MAST2: variants seen among roughly 807,000 people sequenced by gnomAD.
MAST2 encodes the protein microtubule-associated serine/threonine-protein kinase 2.
A neutral mutation model predicts 147.4 loss-of-function variants in MAST2; 70 were observed. The ratio of observed to expected loss-of-function variants is 0.47; its 90% confidence interval spans 0.39 to 0.58. The LOEUF (loss-of-function observed/expected upper bound fraction) is 0.58. Ranked by LOEUF, MAST2 falls within the 20% of genes least tolerant of loss-of-function variation. The probability of loss-of-function intolerance (pLI) is 0.00; values close to 1 mark genes in which losing one functional copy is unlikely to be tolerated. For missense variants in MAST2, 2,080 were observed against 2,302.3 expected (o/e 0.90, Z 1.98); for synonymous variants, 869 against 896.8 (o/e 0.97, Z 0.55).
chr1:45,864,855 CAA>C (rs1557845107), intron 3 of MAST2, among the ~76,000 whole-genome samples: 1 of 152,118 alleles, frequency 6.6e-6, no homozygotes, highest in Non-Finnish European at 1.5e-5. Context: ...AAAATGAAAA[CAA>C]ATATGAAGTC....
intron 4 of MAST2, among the ~76,000 whole-genome samples, chr1:45,943,879 G>A (rs1657673414): frequency 6.6e-6 from 1 of 152,182 alleles, no homozygotes; most frequent in Non-Finnish European, 1.5e-5. Flanking sequence ...CTGATCACAA[G>A]CCTTTGTAAT....
rs145129758 is a variant in MAST2 at position 45,845,800 on chromosome 1, G to A, written c.468+16219G>A. ...TTTTTTGAGACGGAGTGTCTCTGTC[G>A]CCCAGGCTGGAGTGCAGCGGTGCGA... On this transcript the variant is annotated intron_variant, in intron 3 of 28. Transcript: ENST00000361297. 2.9e-3 allele frequency among the ~76,000 whole-genome samples: 445 copies of A among 152,140 alleles called. 3 individuals carry two copies. Among genetic ancestry groups the A allele is most frequent in the East Asian group, 0.02 (105 of 5,174 alleles).
intron 4 of MAST2, among the ~76,000 whole-genome samples, chr1:45,946,046 C>G (rs1254452402): frequency 6.6e-6 from 1 of 152,210 alleles, no homozygotes; most frequent in Non-Finnish European, 1.5e-5. Flanking sequence ...ACCATTATCT[C>G]CCTTTCCTTA....
At chr1:46,008,423 A>AGG in intron 9 of MAST2, 52 bp downstream of exon 9, 3 of 1,204,078 alleles carry the variant, frequency 2.5e-6, no homozygotes, top group Non-Finnish European at 3.7e-6. Context: ...GTGGCTGCCT[A>AGG]CAGCCAGCCC....
At chr1:45,869,867 C>T (rs1191370584) in intron 3 of MAST2, among the ~76,000 whole-genome samples, 1 of 152,062 alleles carries the variant, frequency 6.6e-6, no homozygotes, top group Admixed American at 6.6e-5. Flanking sequence ...AGCTCTCTCC[C>T]TTTCCTTTTT....
At chr1:45,972,333 G>C (rs1643945955) in intron 5 of MAST2, among the ~76,000 whole-genome samples, 1 of 152,232 alleles carries the variant, frequency 6.6e-6, no homozygotes, top group Non-Finnish European at 1.5e-5. Context: ...CTGGCCGTGT[G>C]CCACATGCCA....
At position 46,031,300 on chromosome 1, in the gene MAST2, A is replaced by G. The variant is rs773573116; in HGVS notation, c.2992+10A>G. ...AGTGGTTCCAGTCCAGGTATGGCCCAGTGGGCGGCCAAACGACCTAAGCTG... is the reference window on the plus strand; with the variant it reads ...AGTGGTTCCAGTCCAGGTATGGCCCGGTGGGCGGCCAAACGACCTAAGCTG... On this transcript the variant is annotated intron_variant, in intron 23 of 28. Coordinates refer to ENST00000361297, the MANE Select transcript of MAST2 (RefSeq NM_015112.3). The surrounding 1 kb of genome is among the most constrained non-coding windows in gnomAD (Gnocchi z 4.1). 6.5e-7 allele frequency: 1 copy of G among 1,542,542 alleles called. No individual in the cohort carries two copies. Among genetic ancestry groups the G allele is most frequent in the Non-Finnish European group, 8.8e-7 (1 of 1,140,902 alleles).
chr1:45,982,362 T>TA (rs1271167248), intron 5 of MAST2, among the ~76,000 whole-genome samples: 1 of 152,188 alleles, frequency 6.6e-6, no homozygotes, highest in Non-Finnish European at 1.5e-5. Flanking sequence ...AGTGGGCCCC[T>TA]GGATAGTTTC....
chr1:45,952,013 CAA>C (rs1394955679), intron 4 of MAST2, among the ~76,000 whole-genome samples: 3 of 152,112 alleles, frequency 2.0e-5, no homozygotes, highest in Non-Finnish European at 4.4e-5. Context: ...GCCATGAAAA[CAA>C]AGAGAATATC....
chr1:45,897,450 T>C (rs1345038020), intron 4 of MAST2, among the ~76,000 whole-genome samples: 2 of 152,196 alleles, frequency 1.3e-5, no homozygotes, highest in Non-Finnish European at 2.9e-5. Context: ...GCAACCCTGG[T>C]CCTAGGACCA....
Position 45,996,374 on chromosome 1 carries a change from T to A in MAST2, c.593-1350T>A, listed in dbSNP as rs182910051. Reference sequence around the variant, plus strand: ...TATCAAAAAAGAACAGAATTTTTTTTAAAAAAATAAGCTTTGATACTTCTG... The same window carrying A: ...TATCAAAAAAGAACAGAATTTTTTTAAAAAAAATAAGCTTTGATACTTCTG... On this transcript the variant is annotated intron_variant, in intron 5 of 28. Coordinates refer to ENST00000361297, the MANE Select transcript of MAST2 (RefSeq NM_015112.3). Among the ~76,000 whole-genome samples the A allele has an allele frequency of 1.7e-3, 261 of 152,158 alleles. 1 individual carries two copies. In the East Asian group the frequency reaches 0.028, roughly 16 times the overall value.
At chr1:45,830,803 G>A (rs556089062) in intron 3 of MAST2, among the ~76,000 whole-genome samples, 48 of 151,758 alleles carry the variant, frequency 3.2e-4, no homozygotes, top group African/African-American at 1.0e-3. Context: ...CAGGAGGATC[G>A]CTTGAGCCCA....
chr1:45,853,333 T>C (rs1259658756), intron 3 of MAST2, among the ~76,000 whole-genome samples: 1 of 152,124 alleles, frequency 6.6e-6, no homozygotes, highest in Non-Finnish European at 1.5e-5. Flanking sequence ...GTGTTTTGCA[T>C]AACACATTTA....
intron 1 of MAST2, among the ~76,000 whole-genome samples, chr1:45,818,761 A>T (rs1216226872): frequency 6.6e-6 from 1 of 152,154 alleles, no homozygotes; most frequent in East Asian, 1.9e-4. Flanking sequence ...GTTCCTCTCC[A>T]AATGCATTGT....
chr1:45,903,273 A>G (rs1650109665), intron 4 of MAST2, among the ~76,000 whole-genome samples: 1 of 151,066 alleles, frequency 6.6e-6, no homozygotes, highest in Admixed American at 6.6e-5. Context: ...GGGATTACAG[A>G]CACTTACCAC....
intron 6 of MAST2, among the ~76,000 whole-genome samples, chr1:46,001,776 T>G (rs1191003562): frequency 6.6e-6 from 1 of 152,152 alleles, no homozygotes; most frequent in Non-Finnish European, 1.5e-5. Context: ...GCAAGATTTA[T>G]TCCTTTTTGC....
chr1:45,972,776 T>C (rs1460872564), intron 5 of MAST2, among the ~76,000 whole-genome samples: 1 of 152,228 alleles, frequency 6.6e-6, no homozygotes, highest in African/African-American at 2.4e-5. Context: ...GTGTACCTTT[T>C]GGAATTCCAG....
chr1:46,029,767 A>G, intron 19 of MAST2, 64 bp from the exon 20 acceptor site: 1 of 1,586,184 alleles, frequency 6.3e-7, no homozygotes, highest in South Asian at 1.1e-5. Context: ...TTCTTGCTAG[A>G]TTTGCTGACC....
At chr1:46,009,622 C>T (rs978923249) in intron 9 of MAST2, among the ~76,000 whole-genome samples, 4 of 152,182 alleles carry the variant, frequency 2.6e-5, no homozygotes, top group Non-Finnish European at 4.4e-5. Context: ...GCTTGTCCTC[C>T]TCCTCCTTGT....
Sources: allele counts gnomAD v4.1 joint callset (sites outside exome capture counted in the v4.1 genomes callset), GRCh38; gene constraint gnomAD v4.1.1; non-coding constraint Gnocchi (gnomAD v3.1); transcripts MANE v1.5; gene names NCBI Gene and HGNC (gene_info 2026-07-23, HGNC 2026-07-21).